LRRTM3: variants seen among roughly 807,000 people sequenced by gnomAD.
LRRTM3 encodes leucine rich repeat transmembrane neuronal 3.
LRRTM3 carries 24 observed loss-of-function variants against 44.7 expected under a neutral mutation model. The ratio of observed to expected loss-of-function variants is 0.54; its 90% CI spans 0.39 to 0.76. LRRTM3 has a LOEUF of 0.76. Among genes scored for constraint, LRRTM3 ranks in the 30% least tolerant of loss-of-function variants. The pLI is 0.00. For missense variants in LRRTM3, 587 were observed against 702.2 expected, an observed-to-expected ratio of 0.84 and a Z score of 1.85; for synonymous variants, 277 against 278.7, an observed-to-expected ratio of 0.99 and a Z score of 0.06.
Position 66,972,471 on chromosome 10 carries a change from C to T in LRRTM3, c.1536+44019C>T, listed in dbSNP as rs148382042. 7.6e-4 allele frequency among the ~76,000 whole-genome samples: 115 copies of T among 152,028 alleles called. 1 individual carries two copies. Among genetic ancestry groups the T allele is most frequent in the Middle Eastern group, 3.4e-3 (1 of 292 alleles). On this transcript the variant is annotated intron_variant, in intron 2 of 2. Coordinates refer to ENST00000361320, the MANE Select transcript of LRRTM3 (RefSeq NM_178011.5). Reference sequence around the variant, plus strand: ...TGCCTTGCAGAATACATTTTATTAACGTAAAAATCATTATTTTCCTCTTAC... The same window carrying T: ...TGCCTTGCAGAATACATTTTATTAATGTAAAAATCATTATTTTCCTCTTAC...
chr10:67,018,228 C>T (rs1172458668), intron 2 of LRRTM3, among the ~76,000 whole-genome samples: 2 of 152,084 alleles, frequency 1.3e-5, no homozygotes, highest in African/African-American at 4.8e-5. Context: ...TTTATTTTTA[C>T]TTAAAATGAG....
chr10:67,089,325 T>C lies in LRRTM3; in HGVS notation c.1537-8262T>C, dbSNP rs913322407. Among the ~76,000 whole-genome samples, 11 of 152,122 alleles carry C rather than the reference T, an allele frequency of 7.2e-5. No individual in the cohort carries two copies. The South Asian group carries it at 2.1e-3, about 29-fold the overall frequency. Reference sequence around the variant, plus strand: ...AATGTTAGGTGTTTAAATTTAAAGATAGACAACATAAATTCAGGCTCTTAA... The same window carrying C: ...AATGTTAGGTGTTTAAATTTAAAGACAGACAACATAAATTCAGGCTCTTAA... On this transcript the variant is annotated intron_variant, in intron 2 of 2. Transcript: ENST00000361320.
chr10:67,072,248 C>G (rs1856506263), intron 2 of LRRTM3, among the ~76,000 whole-genome samples: 1 of 152,260 alleles, frequency 6.6e-6, no homozygotes, highest in Non-Finnish European at 1.5e-5. Context: ...GCCACCATGC[C>G]CAACCTGTTT....
At chr10:66,982,160 G>A (rs928318335) in intron 2 of LRRTM3, among the ~76,000 whole-genome samples, 31 of 152,212 alleles carry the variant, frequency 2.0e-4, no homozygotes, top group African/African-American at 6.8e-4. Flanking sequence ...CATTCTGGCA[G>A]TTTGAACAGC....
intron 2 of LRRTM3, among the ~76,000 whole-genome samples, chr10:67,074,639 C>T (rs879463717): frequency 2.0e-5 from 3 of 152,098 alleles, no homozygotes; most frequent in Non-Finnish European, 4.4e-5. Context: ...CGTGAGCCAC[C>T]GCGCCCAACC....
At chr10:67,083,556 A>G (rs527485055) in intron 2 of LRRTM3, among the ~76,000 whole-genome samples, 1 of 152,166 alleles carries the variant, frequency 6.6e-6, no homozygotes, top group Non-Finnish European at 1.5e-5. Flanking sequence ...TTTATTTTTT[A>G]GAATTTGTAC....
intron 2 of LRRTM3, among the ~76,000 whole-genome samples, chr10:67,056,120 G>T (rs1210979826): frequency 6.6e-6 from 1 of 152,090 alleles, no homozygotes; most frequent in Non-Finnish European, 1.5e-5. Flanking sequence ...AAATAAAAGG[G>T]TAGTCTACCT....
At position 66,926,491 on chromosome 10, in the gene LRRTM3, G is replaced by C; in HGVS notation, c.-93G>C. 1 of 1,454,586 alleles carries C rather than the reference G, an allele frequency of 6.9e-7. No individual in the cohort carries two copies. Among genetic ancestry groups the C allele is most frequent in the Non-Finnish European group, 9.5e-7 (1 of 1,052,536 alleles). The allele number at this position is 1,454,586 out of a possible 1,614,324, so 90.1% of individuals were successfully genotyped here. A position where few individuals can be genotyped will look rare whatever the true frequency, so the allele number is the denominator to read the frequency against. On this transcript the variant is annotated 5_prime_UTR_variant, in exon 1 of 3. It removes the in-frame stop codon of an upstream open reading frame in the 5' UTR. Coordinates refer to ENST00000361320, the MANE Select transcript of LRRTM3 (RefSeq NM_178011.5). ...TTCTTCCTGGGTGTCAGCGAGCCCTGACTCACTACAGTGCAGCTGACAGGG... is the reference window on the plus strand; with the variant it reads ...TTCTTCCTGGGTGTCAGCGAGCCCTCACTCACTACAGTGCAGCTGACAGGG...
At chr10:66,979,967 A>G (rs1850315819) in intron 2 of LRRTM3, among the ~76,000 whole-genome samples, 1 of 152,208 alleles carries the variant, frequency 6.6e-6, no homozygotes, top group African/African-American at 2.4e-5. Flanking sequence ...GGTTCCATCA[A>G]GTTTTTATTC....
chr10:66,992,088 A>G (rs1851073060), intron 2 of LRRTM3, among the ~76,000 whole-genome samples: 1 of 152,180 alleles, frequency 6.6e-6, no homozygotes, highest in African/African-American at 2.4e-5. Context: ...GCCTTATCAG[A>G]TGTTGCCAAA....
intron 2 of LRRTM3, among the ~76,000 whole-genome samples, chr10:67,080,840 C>T (rs1196921190): frequency 6.6e-6 from 1 of 151,414 alleles, no homozygotes; most frequent in African/African-American, 2.4e-5. Context: ...ACCCGGGAGG[C>T]AGAGCTTGCA....
At chr10:67,075,560 T>C (rs1187295590) in intron 2 of LRRTM3, among the ~76,000 whole-genome samples, 5 of 152,184 alleles carry the variant, frequency 3.3e-5, no homozygotes. Flanking sequence ...CTGCCAATGT[T>C]TAACATTTTC....
At chr10:66,986,778 G>A (rs929173013) in intron 2 of LRRTM3, among the ~76,000 whole-genome samples, 4 of 152,074 alleles carry the variant, frequency 2.6e-5, no homozygotes, top group Non-Finnish European at 4.4e-5. Context: ...TAACATGGCA[G>A]TTAAATAACA....
At chr10:66,985,855 G>A (rs1225286543) in intron 2 of LRRTM3, among the ~76,000 whole-genome samples, 1 of 152,026 alleles carries the variant, frequency 6.6e-6, no homozygotes, top group Non-Finnish European at 1.5e-5. Flanking sequence ...AGCCTCCCAA[G>A]TAACTGGGAT....
At chr10:67,002,927 G>C (rs1851766494) in intron 2 of LRRTM3, among the ~76,000 whole-genome samples, 2 of 152,114 alleles carry the variant, frequency 1.3e-5, no homozygotes, top group African/African-American at 4.8e-5. Flanking sequence ...CAAGGCTCAA[G>C]TTTTCATTAC....
chr10:67,066,339 T>A (rs966493903), intron 2 of LRRTM3, among the ~76,000 whole-genome samples: 1 of 151,786 alleles, frequency 6.6e-6, no homozygotes, highest in Admixed American at 6.6e-5. Context: ...ACTACAGGTG[T>A]GCGCCACCAC....
At chr10:66,958,343 C>A (rs1848938770) in intron 2 of LRRTM3, among the ~76,000 whole-genome samples, 1 of 147,114 alleles carries the variant, frequency 6.8e-6, no homozygotes, top group African/African-American at 2.5e-5. Context: ...AATGCCTGTG[C>A]CTGAAGGTTA....
chr10:67,049,726 T>G (rs1464520341), intron 2 of LRRTM3, among the ~76,000 whole-genome samples: 2 of 152,198 alleles, frequency 1.3e-5, no homozygotes, highest in Non-Finnish European at 2.9e-5. Context: ...AACTGCCTAT[T>G]CGGCCTCAGT....
intron 2 of LRRTM3, among the ~76,000 whole-genome samples, chr10:67,045,688 C>G (rs531575560): frequency 6.6e-6 from 1 of 152,280 alleles, no homozygotes; most frequent in South Asian, 2.1e-4. Flanking sequence ...GATGGGGCGG[C>G]CCCCAGGCGG....
Sources: allele counts gnomAD v4.1 joint callset (sites outside exome capture counted in the v4.1 genomes callset), GRCh38; gene constraint gnomAD v4.1.1; transcripts MANE v1.5; gene names NCBI Gene and HGNC (gene_info 2026-07-23, HGNC 2026-07-21).